Variants in KCNK9 observed in about 807,000 individuals in gnomAD.
KCNK9 encodes the protein potassium channel subfamily K member 9.
Under a neutral mutation model 10.8 loss-of-function variants are expected in KCNK9, and 1 was observed. The ratio of observed to expected loss-of-function variants is 0.09; its 90% CI spans 0.03 to 0.44. The LOEUF (loss-of-function observed/expected upper bound fraction) is 0.44. Among genes scored for constraint, KCNK9 ranks in the 20% least tolerant of loss-of-function variants. The probability of loss-of-function intolerance (pLI) is 0.97; values close to 1 mark genes in which losing one functional copy is unlikely to be tolerated. For synonymous variants in KCNK9, 231 were observed against 222.7 expected (o/e 1.04, Z -0.33); for missense variants, 303 against 515.0 (o/e 0.59, Z 3.98).
chr8:139,603,313 C>T (rs140230020), intron 2 of KCNK9, among the ~76,000 whole-genome samples: 11 of 152,182 alleles, frequency 7.2e-5, no homozygotes, highest in South Asian at 2.1e-4. Context: ...AGGGGTGTGG[C>T]GGAGAGAGGG....
chr8:139,610,104 A>G (rs556264871), downstream of KCNK9, among the ~76,000 whole-genome samples: 29 of 152,156 alleles, frequency 1.9e-4, no homozygotes, highest in African/African-American at 6.7e-4. Flanking sequence ...CAGAGGCCTC[A>G]TTTCAAAATC....
intron 1 of KCNK9, among the ~76,000 whole-genome samples, chr8:139,656,725 T>A (rs1816032059): frequency 6.6e-6 from 1 of 152,216 alleles, no homozygotes; most frequent in African/African-American, 2.4e-5. Flanking sequence ...CTCCTAGACC[T>A]GCAGTTTCTC....
intron 1 of KCNK9, among the ~76,000 whole-genome samples, chr8:139,699,635 C>T (rs141998100): frequency 6.0e-4 from 91 of 152,264 alleles, no homozygotes; most frequent in African/African-American, 2.0e-3. Flanking sequence ...TTGCCCTTTG[C>T]GGGGCCCAGC....
chr8:139,644,522 A>T (rs1480158093), intron 1 of KCNK9, among the ~76,000 whole-genome samples: 2 of 152,176 alleles, frequency 1.3e-5, no homozygotes, highest in African/African-American at 4.8e-5. Flanking sequence ...TAGGCTGGGA[A>T]CACTGAGTGG....
intron 1 of KCNK9, among the ~76,000 whole-genome samples, chr8:139,661,607 C>A (rs1418554985): frequency 6.6e-6 from 1 of 152,178 alleles, no homozygotes; most frequent in African/African-American, 2.4e-5. Flanking sequence ...AGCGCCCCAT[C>A]ATCCAGCCCC....
intron 1 of KCNK9, among the ~76,000 whole-genome samples, chr8:139,678,633 G>C (rs182263745): frequency 1.3e-5 from 2 of 152,218 alleles, no homozygotes; most frequent in African/African-American, 2.4e-5. Flanking sequence ...GCCTCATAGC[G>C]CTGATAGAAA....
At chr8:139,628,365 C>T (rs962308455) in intron 1 of KCNK9, among the ~76,000 whole-genome samples, 2 of 152,246 alleles carry the variant, frequency 1.3e-5, no homozygotes, top group African/African-American at 2.4e-5. Flanking sequence ...CACAGCGTGC[C>T]GAGGAACCCC....
chr8:139,666,889 T>C (rs1816315589), intron 1 of KCNK9, among the ~76,000 whole-genome samples: 1 of 152,268 alleles, frequency 6.6e-6, no homozygotes, highest in African/African-American at 2.4e-5. Context: ...ACTGAGGCCC[T>C]TGGCTTTGCC....
chr8:139,653,255 A>T (rs1166525037), intron 1 of KCNK9, among the ~76,000 whole-genome samples: 6 of 152,210 alleles, frequency 3.9e-5, no homozygotes, highest in Non-Finnish European at 8.8e-5. Context: ...GATGCCACAG[A>T]TATATGGCCA....
At chr8:139,635,496 A>T (rs1360944845) in intron 1 of KCNK9, among the ~76,000 whole-genome samples, 1 of 152,240 alleles carries the variant, frequency 6.6e-6, no homozygotes, top group Non-Finnish European at 1.5e-5. Flanking sequence ...AGCCCACCTC[A>T]TGTATCAGCT....
At chr8:139,654,353 G>A (rs1383216172) in intron 1 of KCNK9, among the ~76,000 whole-genome samples, 1 of 152,200 alleles carries the variant, frequency 6.6e-6, no homozygotes, top group African/African-American at 2.4e-5. Flanking sequence ...TGCTGAACAG[G>A]ACGCTGGCCT....
intron 1 of KCNK9, among the ~76,000 whole-genome samples, chr8:139,673,073 G>A (rs1390260765): frequency 6.6e-6 from 1 of 152,192 alleles, no homozygotes; most frequent in East Asian, 1.9e-4. Context: ...AGGCAAGAAG[G>A]TCCTCAATCC....
chr8:139,630,951 G>T (rs1428754371), intron 1 of KCNK9, among the ~76,000 whole-genome samples: 2 of 152,240 alleles, frequency 1.3e-5, no homozygotes, highest in African/African-American at 4.8e-5. Context: ...GGAAGGAGCC[G>T]AATGGTCCGC....
intron 1 of KCNK9, among the ~76,000 whole-genome samples, chr8:139,672,857 G>C (rs1234084171): frequency 6.6e-6 from 1 of 152,240 alleles, no homozygotes. Context: ...CCAAGCCCCG[G>C]GGCACCTGCG....
At chr8:139,696,743 GTGGATGGATGGA>G (rs540183564) in intron 1 of KCNK9, among the ~76,000 whole-genome samples, 26 of 147,998 alleles carry the variant, frequency 1.8e-4, no homozygotes, top group East Asian at 4.0e-4. Flanking sequence ...AGATGAGTGG[GTGGATGGATGGA>G]TGGATGGATG....
At chr8:139,691,240 A>T (rs1054454171) in intron 1 of KCNK9, among the ~76,000 whole-genome samples, 2 of 152,276 alleles carry the variant, frequency 1.3e-5, no homozygotes, top group Admixed American at 1.3e-4. Context: ...AGTGTCCTGC[A>T]GATCCCCCTG....
chr8:139,630,212 A>G (rs906207296), intron 1 of KCNK9, among the ~76,000 whole-genome samples: 9 of 152,270 alleles, frequency 5.9e-5, no homozygotes, highest in African/African-American at 2.2e-4. Context: ...TGCAACGCGC[A>G]TTTTACCCCA....
intron 1 of KCNK9, among the ~76,000 whole-genome samples, chr8:139,673,804 C>T (rs1446359121): frequency 1.3e-5 from 2 of 152,180 alleles, no homozygotes; most frequent in African/African-American, 2.4e-5. Flanking sequence ...CAGCCCCTCC[C>T]CACCCCTGCA....
At chr8:139,619,135 G>GT in intron 1 of KCNK9, 36 bp from the exon 2 acceptor site, 1 of 1,611,586 alleles carries the variant, frequency 6.2e-7, no homozygotes. Flanking sequence ...GAGAGAGCAA[G>GT]TGAGGAGGGG....
Sources: gnomAD v4.1 joint callset for allele counts (sites outside exome capture counted in the v4.1 genomes callset) on GRCh38, gnomAD v4.1.1 for gene constraint, MANE v1.5 for transcripts, NCBI Gene and HGNC (gene_info 2026-07-23, HGNC 2026-07-21) for gene names.